HAUS8: variants seen among roughly 807,000 people sequenced by gnomAD.
HAUS8 encodes HAUS augmin-like complex subunit 8.
HAUS8 carries 38 observed loss-of-function variants against 42.9 expected under a neutral mutation model. The ratio of observed to expected loss-of-function variants is 0.89; its 90% CI spans 0.68 to 1.16. HAUS8 has a LOEUF of 1.16. HAUS8 is among the 50% of genes most tolerant of loss of function. The pLI, the probability that HAUS8 is intolerant of heterozygous loss-of-function variation, is 0.00. For synonymous variants in HAUS8, 199 were observed against 205.8 expected, an observed-to-expected ratio of 0.97 and a Z score of 0.28; for missense variants, 494 against 511.6, an observed-to-expected ratio of 0.97 and a Z score of 0.33.
At chr19:17,056,147 G>A (rs2057325120) in intron 8 of HAUS8, 145 bp from the exon 9 acceptor site, 1 of 789,996 alleles carries the variant, frequency 1.3e-6, no homozygotes, top group Non-Finnish European at 2.0e-6. Flanking sequence ...GTTTCCGAGG[G>A]TGTGGTGAGC....
intron 8 of HAUS8, among the ~76,000 whole-genome samples, chr19:17,057,517 A>G (rs754597024): frequency 8.6e-5 from 13 of 151,992 alleles, no homozygotes; most frequent in Non-Finnish European, 1.6e-4. Flanking sequence ...AATCTCTAAA[A>G]CTTTTTCCAA....
intron 2 of HAUS8, among the ~76,000 whole-genome samples, chr19:17,072,745 A>T (rs2057435446): frequency 6.6e-6 from 1 of 151,606 alleles, no homozygotes; most frequent in African/African-American, 2.4e-5. Context: ...GTTAACGGTG[A>T]TCCCAGACCG....
chr19:17,050,698 C>T (rs533641381), intron 10 of HAUS8, among the ~76,000 whole-genome samples: 3 of 152,258 alleles, frequency 2.0e-5, no homozygotes, highest in East Asian at 3.9e-4. Context: ...GAGTTCAAGA[C>T]CAGCTTGGCC....
rs1488645986 is a variant in HAUS8, at chr19:17,055,919, G to T, written c.729C>A (p.Thr243=). 25 of 1,614,204 alleles carry T rather than the reference G, an allele frequency of 1.5e-5. No individual in the cohort carries two copies. The highest frequency in any genetic ancestry group is 2.1e-5 in the Non-Finnish European group (25 of 1,180,026). Residue 243 remains threonine, a synonymous_variant, in exon 9 of 11, where the codon ACC becomes ACA. Transcript: ENST00000253669. ...YRTFATALDT[T]RHELPVRSIH... ...TGGACCTCACGGGCAGCTCGTGCCT[G>T]GTAGTGTCCAGGGCCGTGGCGAATG...
At chr19:17,075,472 A>G (rs1568645641), upstream of HAUS8, 1 of 1,606,090 alleles carries the variant, frequency 6.2e-7, no homozygotes, top group Admixed American at 1.7e-5. Flanking sequence ...TCAAAGCCGG[A>G]CCCGCCCCCT....
intron 3 of HAUS8, among the ~76,000 whole-genome samples, chr19:17,063,725 A>G (rs2057373617): frequency 6.6e-6 from 1 of 152,182 alleles, no homozygotes; most frequent in South Asian, 2.1e-4. Context: ...ATACAACAAA[A>G]CAGTGGAAGG....
At chr19:17,054,368 C>T (rs1204869963) in intron 9 of HAUS8, among the ~76,000 whole-genome samples, 3 of 152,072 alleles carry the variant, frequency 2.0e-5, no homozygotes, top group Non-Finnish European at 2.9e-5. Context: ...AAATCAGAAA[C>T]CCGGCCGGGC....
At chr19:17,066,603 T>C (rs2057388462) in intron 3 of HAUS8, among the ~76,000 whole-genome samples, 1 of 152,090 alleles carries the variant, frequency 6.6e-6, no homozygotes, top group Admixed American at 6.5e-5. Context: ...TATTTCCAGG[T>C]AGTGTGTCAG....
intron 2 of HAUS8, 108 bp downstream of exon 2, chr19:17,073,165 AG>A: frequency 1.1e-6 from 1 of 940,406 alleles, no homozygotes; most frequent in Non-Finnish European, 1.7e-6. Flanking sequence ...TGTGACTACA[AG>A]GAAGTAAAGC....
chr19:17,050,830 G>T (rs1442453378), intron 10 of HAUS8, among the ~76,000 whole-genome samples: 1 of 151,920 alleles, frequency 6.6e-6, no homozygotes, highest in Non-Finnish European at 1.5e-5. Flanking sequence ...CAGGAGACAG[G>T]GTCTATAGTG....
rs1216992682 is a variant in HAUS8 at position 17,058,878 on chromosome 19, T to G, written c.421-2A>C. 1.1e-5 allele frequency: 17 copies of G among 1,609,482 alleles called. No individual in the cohort carries two copies. Among genetic ancestry groups the G allele is most frequent in the Admixed American group, 1.7e-5 (1 of 59,208 alleles). On this transcript the variant is annotated splice_acceptor_variant, in intron 6 of 10. Coordinates refer to ENST00000253669, the MANE Select transcript of HAUS8 (RefSeq NM_033417.2). LOFTEE classifies it high-confidence loss of function. ...CATTTCCATTGCTTCAGATAAATCC[T>G]TAAGAAAAGAAAAAGACCCTCTCAA...
Position 17,073,287 on chromosome 19 carries a change from AT to A in HAUS8, c.77del (p.Asp26ValfsTer9). The A allele has an allele frequency of 6.2e-7, 1 of 1,613,906 alleles. No homozygotes were observed. Among genetic ancestry groups the A allele is most frequent in the African/African-American group, 1.3e-5 (1 of 75,040 alleles). On this transcript the variant is annotated frameshift_variant, in exon 2 of 11. Transcript: ENST00000253669. LOFTEE classifies it high-confidence loss of function. ...GACACTGCTTACCTTGAACTCTTTT[AT>A]CCTTCTTCTTGGCACTGCTAGAATT... ...PTNSSSAKKK[D>X]KRVQGGRVIE...
chr19:17,075,039 T>C, intron 1 of HAUS8: 2 of 361,658 alleles, frequency 5.5e-6, no homozygotes, highest in East Asian at 5.1e-5. Flanking sequence ...GACATCACAG[T>C]AAAGACCCAG....
At chr19:17,060,813 A>G (rs1232391315) in intron 4 of HAUS8, among the ~76,000 whole-genome samples, 2 of 152,204 alleles carry the variant, frequency 1.3e-5, no homozygotes, top group Admixed American at 1.3e-4. Context: ...TAAGCCTTAC[A>G]CTGTCTAAGA....
At chr19:17,060,690 G>A (rs2057355107) in intron 4 of HAUS8, among the ~76,000 whole-genome samples, 3 of 152,230 alleles carry the variant, frequency 2.0e-5, no homozygotes, top group Admixed American at 6.5e-5. Flanking sequence ...TTACAGGCAT[G>A]AGCCACCGCA....
chr19:17,069,883 C>T (rs902485942), intron 2 of HAUS8, among the ~76,000 whole-genome samples: 1 of 152,098 alleles, frequency 6.6e-6, no homozygotes, highest in Admixed American at 6.5e-5. Context: ...CATCCAGCCA[C>T]CTCCAGTCCT....
Position 17,056,015 on chromosome 19 carries a change from G to A in HAUS8, c.646-13C>T, listed in dbSNP as rs767299245. 1.2e-6 allele frequency: 2 copies of A among 1,613,630 alleles called. No homozygotes were observed. The highest frequency in any genetic ancestry group is 2.7e-5 in the African/African-American group (2 of 74,944). On this transcript the variant is annotated splice_polypyrimidine_tract_variant and intron_variant, in intron 8 of 10. Coordinates refer to ENST00000253669, the MANE Select transcript of HAUS8 (RefSeq NM_033417.2). ...TGAGCATCTCGATCTGTAAGCAGAAGGGATAATCAGGGGAGACCCTGGAGT... is the reference window on the plus strand; with the variant it reads ...TGAGCATCTCGATCTGTAAGCAGAAAGGATAATCAGGGGAGACCCTGGAGT...
intron 1 of HAUS8, 107 bp from the exon 2 acceptor site, chr19:17,073,442 C>CT (rs2057440851): frequency 9.9e-7 from 1 of 1,012,304 alleles, no homozygotes; most frequent in Admixed American, 1.7e-5. Flanking sequence ...AGTCCAAGGG[C>CT]TGCCAGAGGA....
intron 8 of HAUS8, among the ~76,000 whole-genome samples, chr19:17,056,485 C>A (rs1308982378): frequency 6.6e-6 from 1 of 152,126 alleles, no homozygotes; most frequent in African/African-American, 2.4e-5. Context: ...CTGACTGAAA[C>A]CTTACTGATA....
Sources: gnomAD v4.1 joint callset for allele counts (sites outside exome capture counted in the v4.1 genomes callset) on GRCh38, gnomAD v4.1.1 for gene constraint, MANE v1.5 for transcripts, NCBI Gene and HGNC (gene_info 2026-07-23, HGNC 2026-07-21) for gene names.